The following SAMD12 variants were observed in gnomAD, a reference collection of about 807,000 sequenced individuals.
SAMD12 encodes sterile alpha motif domain containing 12.
In SAMD12, 9 loss-of-function variants were observed where a neutral mutation model predicts 15.0. The observed-to-expected ratio is 0.60, with a 90% CI of 0.36 to 1.05. The LOEUF (loss-of-function observed/expected upper bound fraction) is 1.05, where lower values mean the gene tolerates loss of function less well. Among genes scored for constraint, SAMD12 ranks in the 50% least tolerant of loss-of-function variants. The probability of loss-of-function intolerance (pLI) is 0.01; values close to 1 mark genes in which losing one functional copy is unlikely to be tolerated. For synonymous variants in SAMD12, 86 were observed against 90.1 expected (o/e 0.96, Z 0.25); for missense variants, 230 against 234.2 (o/e 0.98, Z 0.12).
intron 4 of SAMD12, among the ~76,000 whole-genome samples, chr8:118,360,439 T>C (rs73325652): frequency 0.037 from 5,634 of 152,196 alleles, 320 homozygotes; most frequent in African/African-American, 0.12. Context: ...AAACTGCCTA[T>C]TTTATGAAGT....
chr8:118,200,111 G>C (rs370885010), intron 4 of SAMD12, among the ~76,000 whole-genome samples: 3 of 152,254 alleles, frequency 2.0e-5, no homozygotes, highest in East Asian at 3.9e-4. Flanking sequence ...CTGCTCCCAT[G>C]TAAGATGTGA....
intron 4 of SAMD12, among the ~76,000 whole-genome samples, chr8:118,248,997 T>A (rs571966612): frequency 6.6e-6 from 1 of 152,138 alleles, no homozygotes; most frequent in Non-Finnish European, 1.5e-5. Flanking sequence ...CCCCCACGGA[T>A]CCCAAAATCT....
At chr8:118,486,182 A>T (rs761838024) in intron 2 of SAMD12, among the ~76,000 whole-genome samples, 1 of 152,156 alleles carries the variant, frequency 6.6e-6, no homozygotes, top group Non-Finnish European at 1.5e-5. Flanking sequence ...TGGGAGGCCA[A>T]GGCGGGCAGA....
chr8:118,499,763 A>G lies in SAMD12; in HGVS notation c.193-59802T>C, dbSNP rs148870757. Among the ~76,000 whole-genome samples the G allele has an allele frequency of 1.6e-3, 246 of 152,336 alleles. 1 individual carries two copies. The highest frequency in any genetic ancestry group is 4.6e-3 in the African/African-American group (193 of 41,582). On this transcript the variant is annotated intron_variant, in intron 2 of 3. Transcript: ENST00000314727. ...CATAGACTCCAAGATTACCAAGTTG[A>G]AGGCCAAGAGCTTCAAGGATCTCTT...
intron 3 of SAMD12, among the ~76,000 whole-genome samples, chr8:118,420,498 C>T (rs1563847778): frequency 6.6e-6 from 1 of 152,132 alleles, no homozygotes; most frequent in Non-Finnish European, 1.5e-5. Flanking sequence ...TTGTATTCAA[C>T]CACTGACACA....
intron 3 of SAMD12, among the ~76,000 whole-genome samples, chr8:118,424,174 A>C (rs1822142707): frequency 6.6e-6 from 1 of 152,154 alleles, no homozygotes; most frequent in African/African-American, 2.4e-5. Flanking sequence ...TCTAAACAAT[A>C]AAAAAACAAA....
intron 2 of SAMD12, among the ~76,000 whole-genome samples, chr8:118,465,415 C>T (rs959582756): frequency 1.3e-5 from 2 of 152,080 alleles, no homozygotes; most frequent in East Asian, 1.9e-4. Context: ...ATCAGCTAAC[C>T]CAAGGCATCT....
In SAMD12 at chr8:118,278,001, G is replaced by C. The variant is rs1303784126; in HGVS notation, c.434-80269C>G. On this transcript the variant is annotated intron_variant, in intron 4 of 4. Transcript: ENST00000409003. ...CTAATTGGTAGCACACATTCTGTTA[G>C]CAAACATGGTAGCAAACTCCAGAAA... Among the ~76,000 whole-genome samples, 3 of 152,296 alleles carry C rather than the reference G, an allele frequency of 2.0e-5. 1 individual carries two copies. The highest frequency in any genetic ancestry group is 2.1e-4 in the South Asian group (1 of 4,830).
Position 118,293,852 on chromosome 8 carries a change from T to G in SAMD12, c.433+85708A>C, listed in dbSNP as rs147421741. ...ATGGATAAGATGTGGCAGGAAGAGA[T>G]GAAGGGGTTGGAATGCCAGTGGGAA... is the stretch of plus-strand genomic sequence containing the variant. On this transcript the variant is annotated intron_variant, in intron 4 of 4. Coordinates refer to the SAMD12 transcript ENST00000409003. 2.6e-5 allele frequency among the ~76,000 whole-genome samples: 4 copies of G among 152,266 alleles called. No homozygotes were observed. In the East Asian group the frequency reaches 7.7e-4, roughly 29 times the overall value.
chr8:118,429,817 C>G (rs1822342752), intron 3 of SAMD12, among the ~76,000 whole-genome samples: 1 of 152,100 alleles, frequency 6.6e-6, no homozygotes, highest in Non-Finnish European at 1.5e-5. Context: ...TCGCTTGAAC[C>G]TGGGAGGCGG....
At chr8:118,446,040 T>C (rs16891055) in intron 2 of SAMD12, among the ~76,000 whole-genome samples, 2,762 of 152,298 alleles carry the variant, frequency 0.018, 89 homozygotes, top group African/African-American at 0.063. Context: ...CAGGTGTCAG[T>C]TCATCATTTG....
intron 1 of SAMD12, among the ~76,000 whole-genome samples, chr8:118,614,114 A>C (rs1414801011): frequency 6.6e-6 from 1 of 152,118 alleles, no homozygotes; most frequent in Non-Finnish European, 1.5e-5. Context: ...CTGTAATATC[A>C]TGGGGCTATA....
chr8:118,434,209 G>A (rs1452769800), intron 3 of SAMD12, among the ~76,000 whole-genome samples: 1 of 152,124 alleles, frequency 6.6e-6, no homozygotes, highest in Non-Finnish European at 1.5e-5. Context: ...AGGAAAAGAA[G>A]TACAAGTGGG....
chr8:118,432,364 G>A (rs1822441798), intron 3 of SAMD12, among the ~76,000 whole-genome samples: 1 of 152,048 alleles, frequency 6.6e-6, no homozygotes, highest in South Asian at 2.1e-4. Flanking sequence ...CTTGGGAGGA[G>A]GCATTTGGGG....
In SAMD12 at chr8:118,333,031, T is replaced by C. The variant is rs1170946798; in HGVS notation, c.433+46529A>G. ...ACTCTTGCAGGCAGGGAATGTGTGG[T>C]ATTTGCCTTCCAGCATTAGCACAGT... On this transcript the variant is annotated intron_variant, in intron 4 of 4. Transcript: ENST00000409003. 8.5e-5 allele frequency among the ~76,000 whole-genome samples: 13 copies of C among 152,254 alleles called. No individual in the cohort carries two copies. In the South Asian group the frequency reaches 2.7e-3, roughly 32 times the overall value.
At chr8:118,540,172 G>A (rs1246638368) in intron 2 of SAMD12, among the ~76,000 whole-genome samples, 3 of 152,060 alleles carry the variant, frequency 2.0e-5, no homozygotes, top group Non-Finnish European at 2.9e-5. Flanking sequence ...TCTATTTCAT[G>A]GGCACTCAAC....
intron 4 of SAMD12, among the ~76,000 whole-genome samples, chr8:118,259,996 T>A (rs1051763378): frequency 6.6e-6 from 1 of 152,152 alleles, no homozygotes; most frequent in African/African-American, 2.4e-5. Context: ...ATTGAGCTCC[T>A]CACACATGCC....
chr8:118,141,715 T>C, the SAMD12 span, among the ~76,000 whole-genome samples: 1 of 152,230 alleles, frequency 6.6e-6, no homozygotes, highest in Non-Finnish European at 1.5e-5. Flanking sequence ...GCCACATAGA[T>C]CTTAAACAGA....
chr8:118,140,634 C>T, the SAMD12 span, among the ~76,000 whole-genome samples: 1 of 152,100 alleles, frequency 6.6e-6, no homozygotes. Context: ...GAGACAATGA[C>T]TCTTATTGAG....
Sources: gnomAD v4.1 joint callset for allele counts (sites outside exome capture counted in the v4.1 genomes callset) on GRCh38, gnomAD v4.1.1 for gene constraint, MANE v1.5 for transcripts, NCBI Gene and HGNC (gene_info 2026-07-23, HGNC 2026-07-21) for gene names.